Variants in SSBP3 observed in about 807,000 individuals in gnomAD.
SSBP3 encodes the protein single stranded DNA binding protein 3.
Under a neutral mutation model 69.6 loss-of-function variants are expected in SSBP3, and 5 were observed. That is an observed-to-expected ratio of 0.07 (90% CI 0.04 to 0.15). The LOEUF (loss-of-function observed/expected upper bound fraction) is 0.15, where lower values mean the gene tolerates loss of function less well. Among genes scored for constraint, SSBP3 ranks in the 10% least tolerant of loss-of-function variants. SSBP3 has a pLI of 1.00. For missense variants in SSBP3, 312 were observed against 534.0 expected (o/e 0.58, Z 4.10); for synonymous variants, 196 against 193.4 (o/e 1.01, Z -0.11).
chr1:54,288,919 C>T (rs946452206), intron 4 of SSBP3, among the ~76,000 whole-genome samples: 1 of 149,392 alleles, frequency 6.7e-6, no homozygotes, highest in East Asian at 2.1e-4. Context: ...ACTCAGGAGG[C>T]TGAGGCAGGA....
intron 5 of SSBP3, among the ~76,000 whole-genome samples, chr1:54,279,840 T>G (rs1360824270): frequency 6.6e-6 from 1 of 152,214 alleles, no homozygotes; most frequent in African/African-American, 2.4e-5. Context: ...GGCTACTGCC[T>G]TTCTTGGGTC....
intron 4 of SSBP3, among the ~76,000 whole-genome samples, chr1:54,309,747 A>G (rs891623797): frequency 2.6e-5 from 4 of 151,928 alleles, no homozygotes; most frequent in African/African-American, 9.7e-5. Context: ...AAGAAAGAAA[A>G]CCCCAGGAAC....
chr1:54,383,028 AAAAGAAAG>A (rs972317210), intron 4 of SSBP3, among the ~76,000 whole-genome samples: 1 of 149,488 alleles, frequency 6.7e-6, no homozygotes, highest in Non-Finnish European at 1.5e-5. Context: ...AGAAAGAAAG[AAAAGAAAG>A]AAAGAAAGAG....
intron 4 of SSBP3, among the ~76,000 whole-genome samples, chr1:54,386,777 G>C (rs989154135): frequency 7.0e-6 from 1 of 142,134 alleles, no homozygotes; most frequent in African/African-American, 2.7e-5. Context: ...CTGGGCTCAA[G>C]CAATCCTCCT....
intron 14 of SSBP3, chr1:54,236,998 G>A (rs1256279525): frequency 6.6e-6 from 1 of 152,232 alleles, no homozygotes; most frequent in East Asian, 1.9e-4. Context: ...CAAATATGTA[G>A]ATAAATGAGC....
chr1:54,288,652 T>C lies in SSBP3; in HGVS notation c.277-7125A>G, dbSNP rs555030855. Among the ~76,000 whole-genome samples the C allele has an allele frequency of 2.0e-5, 3 of 152,094 alleles. No homozygotes were observed. In the East Asian group the frequency reaches 5.8e-4, roughly 30 times the overall value. The stretch of plus-strand genomic sequence containing the variant: ...GAAGATGTCATTTCTGTTTTCCTGG[T>C]AAGGAAACTGAGGCACAGAGAGCTG... On this transcript the variant is annotated intron_variant, in intron 4 of 17. Transcript: ENST00000610401.
intron 14 of SSBP3, among the ~76,000 whole-genome samples, chr1:54,235,276 T>TG (rs1644467867): frequency 4.4e-5 from 2 of 45,126 alleles, no homozygotes; most frequent in Admixed American, 1.7e-4. Flanking sequence ...ATGTCCAGTT[T>TG]TTTTTTTTTT....
chr1:54,284,383 C>T (rs969824516), intron 4 of SSBP3, among the ~76,000 whole-genome samples: 1 of 151,650 alleles, frequency 6.6e-6, no homozygotes, highest in African/African-American at 2.4e-5. Flanking sequence ...AATTTTATGG[C>T]AAATCATTCA....
upstream of SSBP3, among the ~76,000 whole-genome samples, chr1:54,407,519 GAC>G (rs369392690): frequency 4.6e-5 from 7 of 152,124 alleles, no homozygotes; most frequent in East Asian, 1.2e-3. Flanking sequence ...GAACCCAGAA[GAC>G]ACACTGCGTG....
chr1:54,328,569 A>C (rs1337663739), intron 4 of SSBP3, among the ~76,000 whole-genome samples: 1 of 152,160 alleles, frequency 6.6e-6, no homozygotes, highest in Non-Finnish European at 1.5e-5. Context: ...TGCCTTGTCC[A>C]CCAGAGTTTC....
At chr1:54,348,260 GC>G (rs201422157) in intron 4 of SSBP3, among the ~76,000 whole-genome samples, 35 of 105,036 alleles carry the variant, frequency 3.3e-4, no homozygotes, top group Admixed American at 4.8e-4. Context: ...GGGGGGGGGG[GC>G]GGGTGAGGAC....
At chr1:54,251,912 A>AT (rs1644837190) in intron 7 of SSBP3, 52 bp from the exon 8 acceptor site, 2 of 1,526,476 alleles carry the variant, frequency 1.3e-6, no homozygotes, top group Non-Finnish European at 1.8e-6. Flanking sequence ...GCTGCTGGCC[A>AT]TGGGGACAGG....
chr1:54,294,166 AGAAAGAAAGAAAG>A (rs1557504914), intron 4 of SSBP3, among the ~76,000 whole-genome samples: 2 of 73,442 alleles, frequency 2.7e-5, no homozygotes, highest in African/African-American at 9.6e-5. Flanking sequence ...AAAAAAAGAA[AGAAAGAAAGAAAG>A]AAAGAAAGAA....
intron 9 of SSBP3, among the ~76,000 whole-genome samples, chr1:54,249,165 G>T (rs1328826718): frequency 6.6e-6 from 1 of 152,236 alleles, no homozygotes; most frequent in African/African-American, 2.4e-5. Flanking sequence ...TGAACTGCCA[G>T]CACACCCTGC....
At chr1:54,328,781 C>A (rs1330250458) in intron 4 of SSBP3, among the ~76,000 whole-genome samples, 1 of 152,170 alleles carries the variant, frequency 6.6e-6, no homozygotes. Flanking sequence ...CCAATACCTA[C>A]CGGGACCTTA....
At chr1:54,396,638 C>G (rs1250380655) in intron 4 of SSBP3, among the ~76,000 whole-genome samples, 2 of 152,176 alleles carry the variant, frequency 1.3e-5, no homozygotes, top group Admixed American at 1.3e-4. Context: ...AGCTGGGTAT[C>G]TCCCAGCTCC....
At chr1:54,337,920 G>A (rs1646539132) in intron 4 of SSBP3, among the ~76,000 whole-genome samples, 1 of 152,180 alleles carries the variant, frequency 6.6e-6, no homozygotes, top group Admixed American at 6.5e-5. Context: ...CTTGAGCCCA[G>A]TAGTTCAAGA....
intron 4 of SSBP3, among the ~76,000 whole-genome samples, chr1:54,390,164 T>TA (rs1031339596): frequency 6.6e-6 from 1 of 152,188 alleles, no homozygotes; most frequent in African/African-American, 2.4e-5. Flanking sequence ...GGGAGATACC[T>TA]AAGAATGCCT....
At chr1:54,395,804 A>C (rs1167791411) in intron 4 of SSBP3, among the ~76,000 whole-genome samples, 1 of 152,164 alleles carries the variant, frequency 6.6e-6, no homozygotes, top group African/African-American at 2.4e-5. Context: ...TCACAACCCA[A>C]ATCCTTTAAA....
Sources: allele counts gnomAD v4.1 joint callset (sites outside exome capture counted in the v4.1 genomes callset), GRCh38; gene constraint gnomAD v4.1.1; transcripts MANE v1.5; gene names NCBI Gene and HGNC (gene_info 2026-07-23, HGNC 2026-07-21).